ATF6: variants seen among roughly 807,000 people sequenced by gnomAD.
The protein encoded by ATF6 is cyclic AMP-dependent transcription factor ATF-6 alpha.
Under a neutral mutation model 83.6 loss-of-function variants are expected in ATF6, and 53 were observed. That is an observed-to-expected ratio of 0.63 (90% CI 0.51 to 0.80). The LOEUF is 0.80. ATF6 is among the 30% of genes least tolerant of loss of function. ATF6 has a pLI of 0.00. For synonymous variants in ATF6, 288 were observed against 285.8 expected, an observed-to-expected ratio of 1.01 and a Z score of -0.08; for missense variants, 744 against 797.9, an observed-to-expected ratio of 0.93 and a Z score of 0.81.
In ATF6 at chr1:161,796,376, G is replaced by A. The variant is rs559107126; in HGVS notation, c.688+4049G>A. Among the ~76,000 whole-genome samples, 24 of 152,206 alleles carry A rather than the reference G, an allele frequency of 1.6e-4. No individual in the cohort carries two copies. In the South Asian group the frequency reaches 4.4e-3, roughly 28 times the overall value. On this transcript the variant is annotated intron_variant, in intron 6 of 15. Coordinates refer to ENST00000367942, the MANE Select transcript of ATF6 (RefSeq NM_007348.4). ...TTTAATCATAATTTTAAACTCAGAG[G>A]ATGTAGAACATGGCTTCCTATAATA...
At chr1:161,786,704 A>T (rs1035628162) in intron 4 of ATF6, among the ~76,000 whole-genome samples, 8 of 152,190 alleles carry the variant, frequency 5.3e-5, no homozygotes, top group Admixed American at 2.0e-4. Context: ...CTATCACTCC[A>T]ATACTTTAGT....
intron 1 of ATF6, among the ~76,000 whole-genome samples, chr1:161,776,282 C>T (rs1684513128): frequency 6.6e-6 from 1 of 152,206 alleles, no homozygotes; most frequent in Admixed American, 6.5e-5. Context: ...CCATCTGCTA[C>T]TCCATTCCCC....
At chr1:161,897,770 C>T (rs894022560) in intron 14 of ATF6, among the ~76,000 whole-genome samples, 2 of 152,094 alleles carry the variant, frequency 1.3e-5, no homozygotes, top group African/African-American at 2.4e-5. Context: ...ATTTTAATAA[C>T]GCTTATGTTG....
chr1:161,832,864 C>T (rs1220307140), intron 9 of ATF6, among the ~76,000 whole-genome samples: 1 of 152,234 alleles, frequency 6.6e-6, no homozygotes, highest in Non-Finnish European at 1.5e-5. Context: ...GCAATAACCT[C>T]TGCAGACTTA....
At chr1:161,820,961 A>T in intron 8 of ATF6, 109 bp from the exon 9 acceptor site, 1 of 599,090 alleles carries the variant, frequency 1.7e-6, no homozygotes, top group Non-Finnish European at 2.7e-6. Context: ...AGGTATTTGT[A>T]AGACAAGAGA....
chr1:161,918,671 G>A (rs1311634557), intron 15 of ATF6, among the ~76,000 whole-genome samples: 1 of 152,172 alleles, frequency 6.6e-6, no homozygotes, highest in African/African-American at 2.4e-5. Flanking sequence ...ATAAGGGTTT[G>A]AGAAAGTTGA....
chr1:161,896,651 C>CT (rs888344760), intron 14 of ATF6, among the ~76,000 whole-genome samples: 7 of 152,114 alleles, frequency 4.6e-5, no homozygotes, highest in Admixed American at 4.6e-4. Flanking sequence ...AATTAGATTC[C>CT]TTTTACAATT....
intron 9 of ATF6, among the ~76,000 whole-genome samples, chr1:161,841,128 C>T (rs1487437996): frequency 6.6e-6 from 1 of 152,110 alleles, no homozygotes; most frequent in Non-Finnish European, 1.5e-5. Context: ...TCTAAAAGTT[C>T]ATATAAATAA....
chr1:161,940,566 T>TTTTTTTC (rs1688621923), intron 15 of ATF6, among the ~76,000 whole-genome samples: 1 of 147,610 alleles, frequency 6.8e-6, no homozygotes. Context: ...GATCTTTTTT[T>TTTTTTTC]TTTTTTTTTT....
Position 161,838,162 on chromosome 1 carries a change from T to C in ATF6, c.1188-8287T>C, listed in dbSNP as rs17448571. Among the ~76,000 whole-genome samples the C allele has an allele frequency of 9.9e-3, 1,503 of 152,334 alleles. 8 individuals carry two copies. Among genetic ancestry groups the C allele is most frequent in the South Asian group, 0.017 (84 of 4,830 alleles). On this transcript the variant is annotated intron_variant, in intron 9 of 15. Coordinates refer to ENST00000367942, the MANE Select transcript of ATF6 (RefSeq NM_007348.4). The stretch of plus-strand genomic sequence containing the variant: ...TGAATTGACTGGATTGATGTAAGTA[T>C]AACAGAAAAGAGAGATTGTACTCAA...
At chr1:161,828,449 C>T (rs4657110) in intron 9 of ATF6, among the ~76,000 whole-genome samples, 21,556 of 152,002 alleles carry the variant, frequency 0.14, 2,099 homozygotes, top group East Asian at 0.31. Context: ...CTGATCCTTG[C>T]GGCGTAGTGT....
intron 15 of ATF6, among the ~76,000 whole-genome samples, chr1:161,941,932 G>A (rs1458629399): frequency 5.3e-5 from 8 of 151,696 alleles, no homozygotes; most frequent in Non-Finnish European, 1.0e-4. Flanking sequence ...TGTCTTCTTC[G>A]AAGTCACGTC....
chr1:161,851,895 C>T (rs565154866), intron 11 of ATF6, 60 bp downstream of exon 11: 1 of 1,233,870 alleles, frequency 8.1e-7, no homozygotes, highest in East Asian at 2.3e-5. Context: ...AGTTTTGGAA[C>T]CTAGACAAGT....
chr1:161,955,534 C>A (rs982111339), intron 15 of ATF6, among the ~76,000 whole-genome samples: 6 of 152,212 alleles, frequency 3.9e-5, no homozygotes, highest in Admixed American at 2.6e-4. Flanking sequence ...TCCAGTTTGT[C>A]CTCCTTTAAT....
rs1317156421 is a variant in ATF6, at chr1:161,866,511, G to A, written c.1719+3199G>A. Among the ~76,000 whole-genome samples, 6 of 152,200 alleles carry A rather than the reference G, an allele frequency of 3.9e-5. No individual in the cohort carries two copies. The East Asian group carries it at 1.2e-3, about 29-fold the overall frequency. On this transcript the variant is annotated intron_variant, in intron 14 of 15. Transcript: ENST00000367942. ...CTGTTCTTTTGACTCTCCTTAAAGA[G>A]TTTTTACCACCAACATAGTAATCTA...
intron 1 of ATF6, among the ~76,000 whole-genome samples, chr1:161,771,724 C>T (rs1471444419): frequency 6.6e-6 from 1 of 152,218 alleles, no homozygotes; most frequent in Non-Finnish European, 1.5e-5. Flanking sequence ...AAGGATCCTC[C>T]TGCCTCAGCC....
chr1:161,945,711 G>A (rs10918270), intron 15 of ATF6, among the ~76,000 whole-genome samples: 56,136 of 152,012 alleles, frequency 0.37, 10,630 homozygotes, highest in Non-Finnish European at 0.4. Context: ...CTTGTGAACT[G>A]TTACTAGTAT....
intron 7 of ATF6, among the ~76,000 whole-genome samples, chr1:161,816,506 G>C (rs1286280487): frequency 2.0e-5 from 3 of 152,204 alleles, no homozygotes; most frequent in African/African-American, 7.2e-5. Flanking sequence ...TGAAGCTGTT[G>C]TGTAAGTATC....
intron 12 of ATF6, among the ~76,000 whole-genome samples, 171 bp from the exon 13 acceptor site, chr1:161,860,036 A>G (rs927957404): frequency 2.6e-5 from 4 of 152,134 alleles, no homozygotes; most frequent in Non-Finnish European, 1.5e-5. Context: ...CCAGACTAGA[A>G]TGGACCTAAA....
Sources: gnomAD v4.1 joint callset for allele counts (sites outside exome capture counted in the v4.1 genomes callset) on GRCh38, gnomAD v4.1.1 for gene constraint, MANE v1.5 for transcripts, NCBI Gene and HGNC (gene_info 2026-07-23, HGNC 2026-07-21) for gene names.